The following MLXIPL variants were observed in gnomAD, a reference collection of about 807,000 sequenced individuals.
MLXIPL encodes the protein MLX interacting protein like, also known as carbohydrate-responsive element-binding protein.
In MLXIPL, 49 loss-of-function variants were observed where a neutral mutation model predicts 81.5. The ratio of observed to expected loss-of-function variants is 0.60; its 90% confidence interval spans 0.48 to 0.76. MLXIPL has a LOEUF of 0.76. Ranked by LOEUF, MLXIPL falls within the 30% of genes least tolerant of loss-of-function variation. The pLI is 0.00. For synonymous variants in MLXIPL, 466 were observed against 485.5 expected (o/e 0.96, Z 0.53); for missense variants, 1,053 against 1,167.0 (o/e 0.90, Z 1.42).
chr7:73,635,148 A>G, the MLXIPL span, among the ~76,000 whole-genome samples: 3 of 152,166 alleles, frequency 2.0e-5, no homozygotes, highest in Non-Finnish European at 4.4e-5. Flanking sequence ...TAATAATACT[A>G]TAAATATCAG....
In MLXIPL at chr7:73,616,097, G is replaced by C. The variant is rs1554600693; in HGVS notation, c.374C>G (p.Ala125Gly). The C allele has an allele frequency of 6.2e-7, 1 of 1,614,012 alleles. No homozygotes were observed. Among genetic ancestry groups the C allele is most frequent in the Admixed American group, 1.7e-5 (1 of 59,986 alleles). Residue 125 changes from alanine (A) to glycine (G), a missense_variant, in exon 2 of 17, where the codon GCC becomes GGC. By Grantham distance (60) the Ala-to-Gly change is moderately conservative. Around this residue, in one of 3 missense-constraint regions of MLXIPL, gnomAD observed 226 missense variants for 216.2 expected, o/e 1.05. Transcript: ENST00000313375. ...LCRDKIRLNNAIWRAWYIQYV... is the reference protein window; with the variant it reads ...LCRDKIRLNNGIWRAWYIQYV... The stretch of plus-strand genomic sequence containing the variant: ...CTGGATATACCAGGCCCTCCAGATG[G>C]CGTTGTTCAGGCGGATCTTGTCTCT...
chr7:73,618,723 G>T (rs1554601315), intron 1 of MLXIPL, among the ~76,000 whole-genome samples: 1 of 152,008 alleles, frequency 6.6e-6, no homozygotes. Flanking sequence ...ACATGGAGGT[G>T]GGGGTGGGGG....
chr7:73,628,427 C>G (rs782106111), upstream of MLXIPL, among the ~76,000 whole-genome samples: 2 of 152,152 alleles, frequency 1.3e-5, no homozygotes, highest in Admixed American at 6.5e-5. Flanking sequence ...AAAAGACAAA[C>G]CCTGACTGCA....
intron 1 of MLXIPL, among the ~76,000 whole-genome samples, chr7:73,620,620 G>A (rs1315823285): frequency 6.7e-5 from 10 of 148,300 alleles, no homozygotes; most frequent in Non-Finnish European, 1.5e-4. Context: ...GCAGGCGCCT[G>A]TAATCCCAGC....
the MLXIPL span, among the ~76,000 whole-genome samples, chr7:73,642,158 A>G: frequency 6.6e-6 from 1 of 152,038 alleles, no homozygotes; most frequent in African/African-American, 2.4e-5. Flanking sequence ...TACATTTATC[A>G]GTTTGTTATC....
chr7:73,596,749 G>A lies in MLXIPL; in HGVS notation c.1712C>T (p.Pro571Leu), dbSNP rs201325574. ...VPEFPCTFLP[P>L]TPAPTPPRPP... ...CCGGGGCGGTGTAGGGGCCGGGGTCGGGGGAAGGAATGTGCAGGGGAATTC... is the reference window on the plus strand; with the variant it reads ...CCGGGGCGGTGTAGGGGCCGGGGTCAGGGGAAGGAATGTGCAGGGGAATTC... Residue 571 changes from proline (P) to leucine (L), a missense_variant, in exon 11 of 17, where the codon CCG (proline) becomes CTG (leucine). Transcript: ENST00000313375. This position sits in a 1 kb window ranked among gnomAD's most constrained non-coding sequence, Gnocchi z 4.7. 7.0e-5 allele frequency: 112 copies of A among 1,597,888 alleles called. No individual in the cohort carries two copies. Among genetic ancestry groups the A allele is most frequent in the Middle Eastern group, 5.0e-4 (3 of 5,972 alleles).
chr7:73,640,794 A>G, the MLXIPL span, among the ~76,000 whole-genome samples: 4 of 148,594 alleles, frequency 2.7e-5, no homozygotes, highest in Non-Finnish European at 4.5e-5. Context: ...AAAAAAAAAA[A>G]GGAGAAAAAA....
chr7:73,595,674 A>G lies in MLXIPL; in HGVS notation c.2273T>C (p.Val758Ala), dbSNP rs1210631488. ...CCAGTTGTGCAGCGTACGGGTTCGG[A>G]CGTAGTCATCAAACATGTCTCGCAT... ...DQMRDMFDDY[V>A]RTRTLHNWKF... The change falls in exon 15 of 17, where the codon GTC (valine) becomes GCC (alanine). Residue 758 changes from valine to alanine, a missense_variant. Physicochemically the swap from Val to Ala is moderately conservative, Grantham distance 64. Transcript: ENST00000313375. 1 of 1,614,112 alleles carries G rather than the reference A, an allele frequency of 6.2e-7. No homozygotes were observed. The highest frequency in any genetic ancestry group is 1.3e-5 in the African/African-American group (1 of 75,022).
the MLXIPL span, among the ~76,000 whole-genome samples, chr7:73,634,055 G>A: frequency 3.3e-5 from 5 of 152,164 alleles, no homozygotes; most frequent in Non-Finnish European, 7.3e-5. Flanking sequence ...GAGGAGTCTC[G>A]AACTGTGTCT....
At chr7:73,632,845 T>C in the MLXIPL span, among the ~76,000 whole-genome samples, 2 of 151,066 alleles carry the variant, frequency 1.3e-5, no homozygotes, top group Admixed American at 1.3e-4. Flanking sequence ...AGTGGCGCGA[T>C]CTCAGCTCAC....
chr7:73,624,095 G>C, intron 1 of MLXIPL, 105 bp downstream of exon 1: 1 of 1,401,940 alleles, frequency 7.1e-7, no homozygotes, highest in South Asian at 1.5e-5. Context: ...CCGCAGGACC[G>C]GGCTCGGGTG....
At chr7:73,612,459 G>A (rs1407058723) in intron 2 of MLXIPL, among the ~76,000 whole-genome samples, 2 of 152,046 alleles carry the variant, frequency 1.3e-5, no homozygotes, top group Non-Finnish European at 2.9e-5. Flanking sequence ...TGACCAACAT[G>A]GAGAAACCCT....
In MLXIPL at chr7:73,616,772, T is replaced by C. The variant is rs376378242; in HGVS notation, c.294-595A>G. Among the ~76,000 whole-genome samples the C allele has an allele frequency of 8.0e-5, 11 of 136,808 alleles. No individual in the cohort carries two copies. In the East Asian group the frequency reaches 2.3e-3, roughly 28 times the overall value. The allele number at this position is 136,808 out of a possible 152,430, so 89.8% of individuals were successfully genotyped here. On this transcript the variant is annotated intron_variant, in intron 1 of 16. Transcript: ENST00000313375. Reference sequence around the variant, plus strand: ...CTGAAGCAGGAGAATTGCTTGAGCCTGGGAGGCGGAGGTTGCAGTGAGCTG... The same window carrying C: ...CTGAAGCAGGAGAATTGCTTGAGCCCGGGAGGCGGAGGTTGCAGTGAGCTG...
chr7:73,637,625 C>T, the MLXIPL span, among the ~76,000 whole-genome samples: 1 of 151,948 alleles, frequency 6.6e-6, no homozygotes, highest in Non-Finnish European at 1.5e-5. Context: ...GACCATGGTC[C>T]CCATTGCCCC....
the MLXIPL span, among the ~76,000 whole-genome samples, chr7:73,643,617 A>G: frequency 1.9e-4 from 29 of 152,086 alleles, no homozygotes; most frequent in African/African-American, 6.8e-4. Context: ...GGCAGAGCCC[A>G]AGTATGTCTT....
chr7:73,643,203 C>T, the MLXIPL span, among the ~76,000 whole-genome samples: 1 of 152,168 alleles, frequency 6.6e-6, no homozygotes, highest in Non-Finnish European at 1.5e-5. Context: ...GTACACAGCA[C>T]ATCAAGGCTC....
At chr7:73,640,097 T>C in the MLXIPL span, among the ~76,000 whole-genome samples, 1 of 139,148 alleles carries the variant, frequency 7.2e-6, no homozygotes, top group African/African-American at 2.7e-5. Flanking sequence ...TAAAGTAAAA[T>C]AAAATAAAAT....
upstream of MLXIPL, among the ~76,000 whole-genome samples, chr7:73,629,099 G>A (rs2116565339): frequency 1.3e-5 from 2 of 151,018 alleles, 1 homozygote; most frequent in African/African-American, 4.9e-5. Context: ...CTGGAGTGCA[G>A]TGGCGTGATC....
chr7:73,606,887 C>T (rs1368924050), intron 5 of MLXIPL, 87 bp downstream of exon 5: 3 of 1,438,012 alleles, frequency 2.1e-6, no homozygotes, highest in African/African-American at 2.8e-5. Flanking sequence ...CTGTCTTGCC[C>T]ACTGAGGCGG....
Sources: allele counts gnomAD v4.1 joint callset (sites outside exome capture counted in the v4.1 genomes callset), GRCh38; gene constraint gnomAD v4.1.1; regional missense constraint gnomAD v4.1.1; non-coding constraint Gnocchi (gnomAD v3.1); transcripts MANE v1.5; gene names NCBI Gene and HGNC (gene_info 2026-07-23, HGNC 2026-07-21).